The following BMPR1A variants were observed in gnomAD, a reference collection of about 807,000 sequenced individuals.
BMPR1A encodes bone morphogenetic protein receptor type-1A.
A neutral mutation model predicts 66.0 loss-of-function variants in BMPR1A; 7 were observed. The ratio of observed to expected loss-of-function variants is 0.11; its 90% CI spans 0.06 to 0.20. BMPR1A has a LOEUF of 0.20. Ranked by LOEUF, BMPR1A falls within the 10% of genes least tolerant of loss-of-function variation. The pLI is 1.00. For missense variants in BMPR1A, 408 were observed against 669.1 expected (o/e 0.61, Z 4.31); for synonymous variants, 200 against 229.7 (o/e 0.87, Z 1.17).
At chr10:86,763,596 C>T (rs1841109766) in intron 1 of BMPR1A, among the ~76,000 whole-genome samples, 1 of 151,286 alleles carries the variant, frequency 6.6e-6, no homozygotes, top group Admixed American at 6.6e-5. Flanking sequence ...AGAATCACGC[C>T]AGCCTTGGCA....
chr10:86,786,422 C>G (rs191850715), intron 1 of BMPR1A, among the ~76,000 whole-genome samples: 3 of 152,100 alleles, frequency 2.0e-5, no homozygotes, highest in Non-Finnish European at 2.9e-5. Context: ...ACTGCTCTTG[C>G]GAGGTCAGCT....
intron 2 of BMPR1A, among the ~76,000 whole-genome samples, chr10:86,853,542 C>A (rs1013314342): frequency 6.6e-6 from 1 of 152,166 alleles, no homozygotes; most frequent in Non-Finnish European, 1.5e-5. Context: ...TCTTCATTAT[C>A]CTTCCTTATT....
At chr10:86,931,699 A>G (rs1371250048), downstream of BMPR1A, 1 of 152,164 alleles carries the variant, frequency 6.6e-6, no homozygotes, top group Non-Finnish European at 1.5e-5. Context: ...TTCAAGAAAT[A>G]GAATTTTCTT....
intron 1 of BMPR1A, among the ~76,000 whole-genome samples, chr10:86,761,571 C>T (rs976254689): frequency 1.3e-5 from 2 of 152,220 alleles, no homozygotes; most frequent in African/African-American, 4.8e-5. Flanking sequence ...CCGGATTAAA[C>T]CCATTTATGC....
intron 1 of BMPR1A, among the ~76,000 whole-genome samples, chr10:86,774,047 C>T (rs184210721): frequency 5.8e-4 from 88 of 152,066 alleles, no homozygotes; most frequent in Admixed American, 1.8e-3. Flanking sequence ...GACAGGGTTT[C>T]ACCATAATGG....
At chr10:86,758,132 C>G (rs1191988825) in intron 1 of BMPR1A, among the ~76,000 whole-genome samples, 1 of 152,202 alleles carries the variant, frequency 6.6e-6, no homozygotes, top group African/African-American at 2.4e-5. Flanking sequence ...ATTCTCTGAT[C>G]TAGGAATGGG....
chr10:86,857,017 A>G (rs1050454379), intron 2 of BMPR1A, among the ~76,000 whole-genome samples: 3 of 152,214 alleles, frequency 2.0e-5, no homozygotes, highest in Non-Finnish European at 4.4e-5. Context: ...GGATCAGGGT[A>G]TGTCACCCTC....
chr10:86,874,709 CTTTTTTTTTT>C (rs200991488), intron 2 of BMPR1A, among the ~76,000 whole-genome samples: 19 of 92,432 alleles, frequency 2.1e-4, no homozygotes, highest in Non-Finnish European at 3.2e-4. Flanking sequence ...ACCCGACCTT[CTTTTTTTTTT>C]TTTTTTTTTT....
rs573129271 is a variant in BMPR1A, at chr10:86,798,085, T to C, written c.-267-40780T>C. On this transcript the variant is annotated intron_variant, in intron 1 of 12. Transcript: ENST00000372037. ...GTGAGATTAAGACATTTTTGACACA[T>C]CCTCTTCATTTAAGGTCATGGATGT... 2.0e-5 allele frequency among the ~76,000 whole-genome samples: 3 copies of C among 152,302 alleles called. No homozygotes were observed. In the South Asian group the frequency reaches 6.2e-4, roughly 32 times the overall value.
chr10:86,805,157 A>G (rs983259339), intron 1 of BMPR1A, among the ~76,000 whole-genome samples: 1 of 151,660 alleles, frequency 6.6e-6, no homozygotes, highest in African/African-American at 2.4e-5. Flanking sequence ...TACCTCTGTA[A>G]AGACCCTATT....
In BMPR1A at chr10:86,762,212, C is replaced by T. The variant is rs190765359; in HGVS notation, c.-268+5293C>T. 2.0e-4 allele frequency among the ~76,000 whole-genome samples: 30 copies of T among 152,310 alleles called. No homozygotes were observed. The East Asian group carries it at 2.9e-3, about 15-fold the overall frequency. On this transcript the variant is annotated intron_variant, in intron 1 of 12. Coordinates refer to ENST00000372037, the MANE Select transcript of BMPR1A (RefSeq NM_004329.3). The stretch of plus-strand genomic sequence containing the variant: ...TTGAGGTTGTCTTTTCTGTTCTTCA[C>T]TTTTGTGGTCTCATTTCAGGCAGGT...
intron 1 of BMPR1A, among the ~76,000 whole-genome samples, chr10:86,802,846 G>A (rs1355706128): frequency 6.6e-6 from 1 of 151,754 alleles, no homozygotes; most frequent in East Asian, 1.9e-4. Context: ...TGAGGCAGGA[G>A]GATTGCTTGA....
At chr10:86,776,597 G>A (rs1397794317) in intron 1 of BMPR1A, among the ~76,000 whole-genome samples, 1 of 152,084 alleles carries the variant, frequency 6.6e-6, no homozygotes, top group East Asian at 1.9e-4. Context: ...CTTGGGCCTG[G>A]AGGGGTTATC....
intron 1 of BMPR1A, among the ~76,000 whole-genome samples, chr10:86,799,238 C>G (rs892324783): frequency 4.6e-5 from 7 of 152,238 alleles, no homozygotes; most frequent in African/African-American, 1.7e-4. Flanking sequence ...CCAACCATTT[C>G]TGCTGGATTC....
At chr10:86,837,231 C>CTGTG (rs140440137) in intron 1 of BMPR1A, among the ~76,000 whole-genome samples, 24,260 of 143,216 alleles carry the variant, frequency 0.17, 3,598 homozygotes, top group African/African-American at 0.42. Flanking sequence ...TAGAATCAGG[C>CTGTG]TGTGTGTGTG....
At chr10:86,877,276 C>T (rs988583659) in intron 3 of BMPR1A, among the ~76,000 whole-genome samples, 2 of 150,740 alleles carry the variant, frequency 1.3e-5, no homozygotes, top group South Asian at 4.2e-4. Flanking sequence ...GGCGCCATCT[C>T]GGCTCACTGC....
intron 1 of BMPR1A, among the ~76,000 whole-genome samples, chr10:86,769,659 G>C (rs191872172): frequency 6.6e-6 from 1 of 152,316 alleles, no homozygotes; most frequent in African/African-American, 2.4e-5. Flanking sequence ...AGTTTGCCTA[G>C]CAGGGAGCAC....
Position 86,797,244 on chromosome 10 carries a change from T to G in BMPR1A, c.-268+40325T>G, listed in dbSNP as rs1043876973. Among the ~76,000 whole-genome samples the G allele has an allele frequency of 1.1e-4, 16 of 140,906 alleles. 1 individual carries two copies. The highest frequency in any genetic ancestry group is 4.0e-4 in the African/African-American group (16 of 39,676). The allele number at this position is 140,906 out of a possible 152,430, so 92.4% of individuals were successfully genotyped here. A position where few individuals can be genotyped will look rare whatever the true frequency, so the allele number is the denominator to read the frequency against. On this transcript the variant is annotated intron_variant, in intron 1 of 12. Coordinates refer to ENST00000372037, the MANE Select transcript of BMPR1A (RefSeq NM_004329.3). ...CAAGCCCGGCTAATTTTTTTTTTTT[T>G]TTTTGAGACGGAGTCTTGCTCTGTT...
chr10:86,785,267 G>A (rs775071198), intron 1 of BMPR1A, among the ~76,000 whole-genome samples: 61 of 152,270 alleles, frequency 4.0e-4, no homozygotes, highest in Non-Finnish European at 2.6e-4. Flanking sequence ...GTGTACTTGA[G>A]AAAATGTGTA....
Sources: allele counts gnomAD v4.1 joint callset (sites outside exome capture counted in the v4.1 genomes callset), GRCh38; gene constraint gnomAD v4.1.1; transcripts MANE v1.5; gene names NCBI Gene and HGNC (gene_info 2026-07-23, HGNC 2026-07-21).